Variants in CPVL observed in about 807,000 individuals in gnomAD.
The protein encoded by CPVL is probable serine carboxypeptidase CPVL.
Under a neutral mutation model 63.7 loss-of-function variants are expected in CPVL, and 51 were observed. That is an observed-to-expected ratio of 0.80 (90% CI 0.64 to 1.01). The LOEUF is 1.01. CPVL is among the 50% of genes least tolerant of loss of function. CPVL has a pLI of 0.00. For synonymous variants in CPVL, 195 were observed against 206.0 expected (o/e 0.95, Z 0.46); for missense variants, 530 against 573.1 (o/e 0.92, Z 0.77).
At chr7:29,051,954 A>G (rs1434261866) in intron 11 of CPVL, among the ~76,000 whole-genome samples, 1 of 149,738 alleles carries the variant, frequency 6.7e-6, no homozygotes. Flanking sequence ...ATGAATATAT[A>G]TATATGAATA....
intron 11 of CPVL, among the ~76,000 whole-genome samples, chr7:29,034,979 TC>T (rs1318753913): frequency 1.3e-5 from 2 of 152,104 alleles, no homozygotes; most frequent in East Asian, 1.9e-4. Flanking sequence ...ATTTTTTTTT[TC>T]ATGACAACTA....
intron 1 of CPVL, among the ~76,000 whole-genome samples, chr7:29,140,356 T>C (rs915781366): frequency 6.6e-6 from 1 of 152,204 alleles, no homozygotes; most frequent in African/African-American, 2.4e-5. Flanking sequence ...ACTCAACTCT[T>C]CAGAGATTTT....
intron 5 of CPVL, among the ~76,000 whole-genome samples, chr7:29,094,475 CAA>C (rs1317576208): frequency 6.6e-6 from 1 of 152,012 alleles, no homozygotes; most frequent in Non-Finnish European, 1.5e-5. Context: ...ATAAGGAACC[CAA>C]ACTGTTAGTG....
At chr7:29,111,304 C>T (rs561129971) in intron 3 of CPVL, among the ~76,000 whole-genome samples, 6 of 152,340 alleles carry the variant, frequency 3.9e-5, no homozygotes, top group Admixed American at 1.3e-4. Context: ...TCCTCCATCC[C>T]GCTCTGTGCC....
chr7:29,163,125 A>G (rs938101244), intron 5 of CPVL, among the ~76,000 whole-genome samples: 6 of 152,150 alleles, frequency 3.9e-5, no homozygotes, highest in Non-Finnish European at 7.4e-5. Flanking sequence ...GTCTGTAATT[A>G]TTTCAAAATT....
rs372499301 is a variant in CPVL, at chr7:29,002,831, C to T, written c.1321-6949G>A. 9.2e-4 allele frequency among the ~76,000 whole-genome samples: 124 copies of T among 134,838 alleles called. 1 individual carries two copies. Among genetic ancestry groups the T allele is most frequent in the African/African-American group, 3.3e-3 (120 of 36,502 alleles). The allele number at this position is 134,838 out of a possible 152,430, so 88.5% of individuals were successfully genotyped here. A position where few individuals can be genotyped will look rare whatever the true frequency, so the allele number is the denominator to read the frequency against. ...GGAAGTTAGGTCAGTAGAGGATATC[C>T]AGACTGAAGCATGGAGAATAAAGGT... On this transcript the variant is annotated intron_variant, in intron 12 of 12. Transcript: ENST00000265394.
At chr7:29,064,263 G>C (rs368321782) in intron 10 of CPVL, 29 bp from the exon 11 acceptor site, 5 of 1,436,794 alleles carry the variant, frequency 3.5e-6, no homozygotes, top group Non-Finnish European at 4.9e-6. Flanking sequence ...GAAAGACATA[G>C]GGAACATGAT....
intron 7 of CPVL, among the ~76,000 whole-genome samples, chr7:29,085,413 C>G (rs935886196): frequency 1.3e-5 from 2 of 152,192 alleles, no homozygotes; most frequent in African/African-American, 4.8e-5. Context: ...AAATAACAAT[C>G]TGTGAATCCA....
At chr7:29,156,808 T>C (rs1214363656) in intron 5 of CPVL, among the ~76,000 whole-genome samples, 1 of 87,742 alleles carries the variant, frequency 1.1e-5, no homozygotes, top group Non-Finnish European at 2.1e-5. Context: ...GAAGTCATAA[T>C]TCTTTATCAA....
chr7:29,079,801 A>C (rs1264136544), intron 7 of CPVL, among the ~76,000 whole-genome samples: 1 of 152,114 alleles, frequency 6.6e-6, no homozygotes, highest in Non-Finnish European at 1.5e-5. Context: ...TAGTGCTTGA[A>C]ATTACCCTAT....
chr7:29,129,952 G>A (rs1457883778), intron 1 of CPVL, among the ~76,000 whole-genome samples: 1 of 152,186 alleles, frequency 6.6e-6, no homozygotes, highest in Non-Finnish European at 1.5e-5. Flanking sequence ...AGAAGCCCAG[G>A]ATTGCTGGTA....
chr7:29,043,739 AGT>A (rs1789350500), intron 11 of CPVL, among the ~76,000 whole-genome samples: 1 of 152,210 alleles, frequency 6.6e-6, no homozygotes, highest in Admixed American at 6.5e-5. Context: ...TCATGGCAGG[AGT>A]GTGGGTGGTT....
intron 5 of CPVL, among the ~76,000 whole-genome samples, chr7:29,171,357 A>T (rs982050144): frequency 1.4e-4 from 22 of 152,172 alleles, no homozygotes; most frequent in Admixed American, 1.1e-3. Flanking sequence ...TTCTGTGGGG[A>T]TACAAACCAA....
intron 9 of CPVL, 60 bp downstream of exon 9, chr7:29,071,713 G>T: frequency 7.3e-6 from 2 of 273,492 alleles, no homozygotes; most frequent in East Asian, 1.0e-4. Flanking sequence ...CTGCTCACCC[G>T]CCCTCCCTCC....
intron 12 of CPVL, among the ~76,000 whole-genome samples, chr7:29,023,622 C>T (rs1410021084): frequency 6.6e-6 from 1 of 152,142 alleles, no homozygotes; most frequent in Non-Finnish European, 1.5e-5. Context: ...AAACAGCATA[C>T]TGGTGCCAAA....
chr7:29,067,820 C>T (rs1783282347), intron 9 of CPVL, among the ~76,000 whole-genome samples: 1 of 151,934 alleles, frequency 6.6e-6, no homozygotes, highest in African/African-American at 2.4e-5. Context: ...TGAGTTTAAG[C>T]AACTTGCCGA....
intron 12 of CPVL, among the ~76,000 whole-genome samples, chr7:29,029,577 C>T (rs1787819644): frequency 6.6e-6 from 1 of 152,162 alleles, no homozygotes; most frequent in South Asian, 2.1e-4. Context: ...CGTATGTTCT[C>T]ACTCACATGT....
chr7:29,094,066 A>G (rs1786134255), intron 5 of CPVL, among the ~76,000 whole-genome samples: 1 of 152,150 alleles, frequency 6.6e-6, no homozygotes, highest in Non-Finnish European at 1.5e-5. Context: ...GGAGGCCAAG[A>G]GCAGTAGCTC....
chr7:29,020,915 C>T lies in CPVL; in HGVS notation c.1320+9662G>A, dbSNP rs546817784. ...TACAGGCCGAGCGTGGTGGCTCATA[C>T]CTGTAATCCCAGCACTTTGGGAGGC... is the stretch of plus-strand genomic sequence containing the variant. On this transcript the variant is annotated intron_variant, in intron 12 of 12. Transcript: ENST00000265394. 1.7e-3 allele frequency among the ~76,000 whole-genome samples: 261 copies of T among 152,238 alleles called. 1 individual carries two copies. The highest frequency in any genetic ancestry group is 3.5e-3 in the Non-Finnish European group (239 of 68,038).
Sources: allele counts gnomAD v4.1 joint callset (sites outside exome capture counted in the v4.1 genomes callset), GRCh38; gene constraint gnomAD v4.1.1; transcripts MANE v1.5; gene names NCBI Gene and HGNC (gene_info 2026-07-23, HGNC 2026-07-21).